The following FSTL5 variants were observed in gnomAD, a reference collection of about 807,000 sequenced individuals.
FSTL5 encodes follistatin like 5.
In FSTL5, 62 loss-of-function variants were observed where a neutral mutation model predicts 89.1. The observed-to-expected ratio is 0.70, with a 90% confidence interval of 0.57 to 0.86. The LOEUF (loss-of-function observed/expected upper bound fraction) is 0.86, where lower values mean the gene tolerates loss of function less well. Among genes scored for constraint, FSTL5 ranks in the 40% least tolerant of loss-of-function variants. The pLI is 0.00. For synonymous variants in FSTL5, 383 were observed against 346.2 expected, an observed-to-expected ratio of 1.11 and a Z score of -1.18; for missense variants, 1,057 against 1,001.6, an observed-to-expected ratio of 1.06 and a Z score of -0.75.
chr4:161,746,492 G>T (rs1437053790), intron 6 of FSTL5, among the ~76,000 whole-genome samples: 4 of 152,076 alleles, frequency 2.6e-5, no homozygotes, highest in Non-Finnish European at 5.9e-5. Context: ...TTGGGGTAAG[G>T]GGCTTGACTG....
chr4:161,898,630 CTT>C lies in FSTL5; in HGVS notation c.409+21772_409+21773del, dbSNP rs773799106. ...ATATATTTGGCATCTGTATTATATT[CTT>C]TTTTTTTTTTTTTTTGAGACGGAGT... On this transcript the variant is annotated intron_variant, in intron 4 of 15. Coordinates refer to ENST00000306100, the MANE Select transcript of FSTL5 (RefSeq NM_020116.5). Among the ~76,000 whole-genome samples, 1,005 of 128,208 alleles carry C rather than the reference CTT, an allele frequency of 7.8e-3. 5 individuals carry two copies. The highest frequency in any genetic ancestry group is 0.026 in the African/African-American group (897 of 34,436). 84.1% of individuals were successfully genotyped at this position (128,208 alleles called of 152,430 possible).
intron 3 of FSTL5, among the ~76,000 whole-genome samples, chr4:161,937,417 G>A (rs1734463117): frequency 6.6e-6 from 1 of 152,086 alleles, no homozygotes; most frequent in South Asian, 2.1e-4. Flanking sequence ...TTGCCAACTT[G>A]AGAGAGTTCA....
chr4:161,475,287 T>G (rs1191458896), intron 13 of FSTL5, among the ~76,000 whole-genome samples: 1 of 152,164 alleles, frequency 6.6e-6, no homozygotes, highest in East Asian at 1.9e-4. Context: ...TATATTCTTA[T>G]TTTTCTTCAA....
intron 13 of FSTL5, among the ~76,000 whole-genome samples, chr4:161,465,601 C>T (rs1024621487): frequency 6.6e-6 from 1 of 152,102 alleles, no homozygotes; most frequent in African/African-American, 2.4e-5. Flanking sequence ...CACTTGACTA[C>T]CCAAATTTAT....
In FSTL5 at chr4:161,459,362, A is replaced by G. The variant is rs776591838; in HGVS notation, c.1609-43T>C. 6 of 1,282,116 alleles carry G rather than the reference A, an allele frequency of 4.7e-6. No individual in the cohort carries two copies. The South Asian group carries it at 7.5e-5, about 16-fold the overall frequency. The allele number at this position is 1,282,116 out of a possible 1,614,324, so 79.4% of individuals were successfully genotyped here. On this transcript the variant is annotated intron_variant, in intron 13 of 15. Coordinates refer to ENST00000306100, the MANE Select transcript of FSTL5 (RefSeq NM_020116.5). ...TGAAAAAAATGTTTTAGACTAAACT[A>G]TTAGTTTAAAGCTAGGCCAGAAATT...
intron 15 of FSTL5, among the ~76,000 whole-genome samples, chr4:161,448,305 C>G (rs1023577843): frequency 3.9e-5 from 6 of 152,070 alleles, no homozygotes; most frequent in Non-Finnish European, 8.8e-5. Flanking sequence ...CTCTAAATGC[C>G]ATGGAACAGC....
intron 15 of FSTL5, among the ~76,000 whole-genome samples, chr4:161,437,298 G>A (rs1414313355): frequency 2.0e-5 from 3 of 152,078 alleles, no homozygotes; most frequent in African/African-American, 4.8e-5. Context: ...AGGGCGCAGT[G>A]GCTCACGCCT....
At chr4:161,948,027 A>T (rs1001528924) in intron 3 of FSTL5, among the ~76,000 whole-genome samples, 9 of 152,100 alleles carry the variant, frequency 5.9e-5, no homozygotes, top group African/African-American at 2.2e-4. Flanking sequence ...CTGTAATCCC[A>T]GAGCTTTGGG....
chr4:161,800,402 G>A (rs1388908855), intron 4 of FSTL5, among the ~76,000 whole-genome samples: 1 of 151,526 alleles, frequency 6.6e-6, no homozygotes, highest in Non-Finnish European at 1.5e-5. Context: ...TCACCACATG[G>A]CCTGGCCAAT....
chr4:162,066,299 TTTCTTC>T (rs1222795843), intron 2 of FSTL5, among the ~76,000 whole-genome samples: 4 of 70,118 alleles, frequency 5.7e-5, no homozygotes, highest in African/African-American at 2.1e-4. Flanking sequence ...TCCTCCTACT[TTTCTTC>T]TTCTTCTTCT....
At chr4:161,751,080 A>G (rs1319557435) in intron 6 of FSTL5, among the ~76,000 whole-genome samples, 1 of 152,204 alleles carries the variant, frequency 6.6e-6, no homozygotes, top group Non-Finnish European at 1.5e-5. Flanking sequence ...GTTAGAGATC[A>G]GAGTGTGAAG....
intron 2 of FSTL5, among the ~76,000 whole-genome samples, chr4:162,097,331 C>A (rs77978620): frequency 6.6e-6 from 1 of 151,018 alleles, no homozygotes; most frequent in African/African-American, 2.4e-5. Flanking sequence ...TGTGTGTATA[C>A]GCATATATTT....
chr4:161,534,888 G>A (rs1177299918), intron 10 of FSTL5, among the ~76,000 whole-genome samples: 2 of 152,008 alleles, frequency 1.3e-5, no homozygotes, highest in East Asian at 1.9e-4. Flanking sequence ...TAGAGCAATG[G>A]AATGAAACAG....
At chr4:162,112,682 C>T (rs1281283007) in intron 1 of FSTL5, among the ~76,000 whole-genome samples, 3 of 151,890 alleles carry the variant, frequency 2.0e-5, no homozygotes, top group Admixed American at 6.6e-5. Flanking sequence ...TCATTCCATC[C>T]ATTTTTTCTT....
In FSTL5 at chr4:162,145,758, T is replaced by C. The variant is rs114241933; in HGVS notation, c.-17+17857A>G. On this transcript the variant is annotated intron_variant, in intron 1 of 15. Transcript: ENST00000306100. ...AATATTTCCATATGCTCAGATAGTT[T>C]AGAGAATCAAAAACATTGGTGAGTA... 7.9e-3 allele frequency among the ~76,000 whole-genome samples: 1,196 copies of C among 152,316 alleles called. 8 individuals are homozygous for C. Among genetic ancestry groups the C allele is most frequent in the Middle Eastern group, 0.051 (15 of 294 alleles).
chr4:161,743,781 C>A (rs1417741725), intron 6 of FSTL5, among the ~76,000 whole-genome samples: 3 of 152,038 alleles, frequency 2.0e-5, no homozygotes, highest in African/African-American at 4.8e-5. Context: ...TATGAATATA[C>A]TTTGGTTATA....
At chr4:161,963,325 G>A (rs944108663) in intron 3 of FSTL5, among the ~76,000 whole-genome samples, 4 of 151,804 alleles carry the variant, frequency 2.6e-5, no homozygotes, top group Admixed American at 1.3e-4. Flanking sequence ...TACAAGATGA[G>A]TATTTTTAAG....
intron 4 of FSTL5, among the ~76,000 whole-genome samples, chr4:161,890,344 C>T (rs1421810844): frequency 6.6e-6 from 1 of 152,028 alleles, no homozygotes; most frequent in Non-Finnish European, 1.5e-5. Flanking sequence ...GACGATAGTG[C>T]AAGTCCCTTT....
chr4:161,716,017 C>CATCA (rs1738966304), intron 6 of FSTL5, among the ~76,000 whole-genome samples: 1 of 152,128 alleles, frequency 6.6e-6, no homozygotes, highest in African/African-American at 2.4e-5. Flanking sequence ...TTACACGCAG[C>CATCA]ATCAAATCCA....
Sources: allele counts gnomAD v4.1 joint callset (sites outside exome capture counted in the v4.1 genomes callset), GRCh38; gene constraint gnomAD v4.1.1; transcripts MANE v1.5; gene names NCBI Gene and HGNC (gene_info 2026-07-23, HGNC 2026-07-21).